The following LY86 variants were observed in gnomAD, a reference collection of about 807,000 sequenced individuals.
LY86 encodes the protein MD-1, RP105-associated.
In LY86, 20 loss-of-function variants were observed where a neutral mutation model predicts 17.3. The ratio of observed to expected loss-of-function variants is 1.15; its 90% CI spans 0.81 to 1.68. The LOEUF (loss-of-function observed/expected upper bound fraction) is 1.68, where lower values mean the gene tolerates loss of function less well. Ranked by LOEUF, LY86 falls within the 40% of genes most tolerant of loss-of-function variation. The pLI, the probability that LY86 is intolerant of heterozygous loss-of-function variation, is 0.00. For missense variants in LY86, 200 were observed against 191.9 expected, an observed-to-expected ratio of 1.04 and a Z score of -0.25; for synonymous variants, 74 against 70.6, an observed-to-expected ratio of 1.05 and a Z score of -0.24.
At chr6:6,619,851 C>A (rs1442159370) in intron 1 of LY86, among the ~76,000 whole-genome samples, 2 of 151,446 alleles carry the variant, frequency 1.3e-5, no homozygotes, top group African/African-American at 2.4e-5. Flanking sequence ...GGGAGGGAGA[C>A]AGGGAGAGAG....
At chr6:6,603,603 C>CAACAA (rs1207511602) in intron 1 of LY86, among the ~76,000 whole-genome samples, 5 of 70,450 alleles carry the variant, frequency 7.1e-5, no homozygotes, top group Non-Finnish European at 9.6e-5. Flanking sequence ...AAAACAGAAA[C>CAACAA]AGAAAAAAAA....
At chr6:6,649,995 C>T (rs572191121) in intron 4 of LY86, among the ~76,000 whole-genome samples, 19 of 152,246 alleles carry the variant, frequency 1.2e-4, no homozygotes, top group African/African-American at 3.9e-4. Context: ...AGCAGGATTA[C>T]GGCATTTGTG....
intron 1 of LY86, among the ~76,000 whole-genome samples, chr6:6,602,355 C>T (rs928175682): frequency 1.3e-5 from 2 of 152,152 alleles, no homozygotes; most frequent in African/African-American, 2.4e-5. Flanking sequence ...ATTCTCGATA[C>T]CCACAAACAC....
chr6:6,650,270 A>T (rs1762166609), intron 4 of LY86, among the ~76,000 whole-genome samples: 1 of 152,158 alleles, frequency 6.6e-6, no homozygotes, highest in South Asian at 2.1e-4. Context: ...ATGTGACATT[A>T]TTAAATGACT....
chr6:6,626,874 G>A (rs993752121), intron 3 of LY86, among the ~76,000 whole-genome samples: 1 of 151,920 alleles, frequency 6.6e-6, no homozygotes, highest in Non-Finnish European at 1.5e-5. Flanking sequence ...TCCCACGTGG[G>A]TCATTGACTA....
intron 1 of LY86, among the ~76,000 whole-genome samples, chr6:6,614,003 G>A (rs1299511834): frequency 1.3e-5 from 2 of 152,218 alleles, no homozygotes; most frequent in African/African-American, 2.4e-5. Flanking sequence ...TTATTCCTTA[G>A]AACCTTCTAC....
chr6:6,613,649 C>T (rs1464250547), intron 1 of LY86, among the ~76,000 whole-genome samples: 1 of 152,242 alleles, frequency 6.6e-6, no homozygotes, highest in Non-Finnish European at 1.5e-5. Flanking sequence ...TCCCCGCAAG[C>T]TGAGGGAGCC....
At position 6,588,799 on chromosome 6, in the gene LY86, G is replaced by A; in HGVS notation, c.65G>A (p.Gly22Asp). The A allele has an allele frequency of 6.2e-7, 1 of 1,614,208 alleles. No homozygotes were observed. Residue 22 changes from glycine (G) to aspartate (D), a missense_variant, in exon 1 of 5, where the codon GGC becomes GAC. Gly to Asp is a moderately conservative substitution (Grantham distance 94). Transcript: ENST00000230568. ...TLIFPSCSGG[G>D]GGKAWPTHVV... ...ATTTTTCCCAGCTGCAGTGGAGGCG[G>A]CGGTGGGAAAGCCTGGCCCACACAC...
chr6:6,607,389 GTTTATT>G (rs1472364972), intron 1 of LY86, among the ~76,000 whole-genome samples: 8 of 152,066 alleles, frequency 5.3e-5, no homozygotes, highest in Non-Finnish European at 1.0e-4. Flanking sequence ...AAAAAGAGAA[GTTTATT>G]TTTAAGATTT....
chr6:6,612,021 T>A (rs920514503), intron 1 of LY86, among the ~76,000 whole-genome samples: 9 of 57,966 alleles, frequency 1.6e-4, no homozygotes, highest in African/African-American at 9.7e-4. Context: ...ATAATCTTTG[T>A]GGTCTCTTGT....
chr6:6,614,321 G>A (rs1403759590), intron 1 of LY86, among the ~76,000 whole-genome samples: 1 of 151,780 alleles, frequency 6.6e-6, no homozygotes, highest in Admixed American at 6.6e-5. Flanking sequence ...GATGTTGCTT[G>A]TCTCTTAAGT....
intron 1 of LY86, among the ~76,000 whole-genome samples, chr6:6,620,325 T>C (rs186664336): frequency 6.6e-6 from 1 of 152,264 alleles, no homozygotes; most frequent in African/African-American, 2.4e-5. Context: ...AAAATATAAT[T>C]ATTTCAAAAT....
chr6:6,649,708 A>T (rs772848263), intron 4 of LY86, 31 bp downstream of exon 4: 2 of 1,315,590 alleles, frequency 1.5e-6, no homozygotes, highest in Non-Finnish European at 2.2e-6. Context: ...TGTATTAAAT[A>T]GTTTGTTTCT....
At chr6:6,643,134 T>C (rs970928997) in intron 3 of LY86, among the ~76,000 whole-genome samples, 1 of 152,260 alleles carries the variant, frequency 6.6e-6, no homozygotes, top group Middle Eastern at 3.2e-3. Flanking sequence ...GTGGGATTGC[T>C]GAATCATATG....
intron 1 of LY86, among the ~76,000 whole-genome samples, chr6:6,598,062 AT>A (rs1369242350): frequency 6.6e-6 from 1 of 152,244 alleles, no homozygotes; most frequent in Non-Finnish European, 1.5e-5. Flanking sequence ...TTAGTGCTCA[AT>A]TTAGTCGTCT....
chr6:6,642,592 C>T (rs776919838), intron 3 of LY86, among the ~76,000 whole-genome samples: 1 of 152,214 alleles, frequency 6.6e-6, no homozygotes, highest in Non-Finnish European at 1.5e-5. Flanking sequence ...AGTGGACATT[C>T]TTATCAGTCC....
intron 4 of LY86, among the ~76,000 whole-genome samples, chr6:6,651,712 T>C (rs572850975): frequency 1.1e-4 from 17 of 152,130 alleles, no homozygotes; most frequent in Non-Finnish European, 1.8e-4. Flanking sequence ...CAGCAACTGT[T>C]ATAAGATAGA....
In LY86 at chr6:6,637,041, C is replaced by T. The variant is rs1000537502; in HGVS notation, c.352+10620C>T. Among the ~76,000 whole-genome samples the T allele has an allele frequency of 1.7e-4, 24 of 137,898 alleles. 1 individual carries two copies. The East Asian group carries it at 3.9e-3, about 22-fold the overall frequency. 90.5% of individuals were successfully genotyped at this position (137,898 alleles called of 152,430 possible). On this transcript the variant is annotated intron_variant, in intron 3 of 4. Coordinates refer to ENST00000230568, the MANE Select transcript of LY86 (RefSeq NM_004271.4). The stretch of plus-strand genomic sequence containing the variant: ...TTTTTTTTTTAATGAGAAGGAGTCT[C>T]GCTCTGTCGCCCAGGCTGGAGTGCA...
chr6:6,625,463 G>A (rs935537427), intron 2 of LY86, among the ~76,000 whole-genome samples: 5 of 152,168 alleles, frequency 3.3e-5, no homozygotes, highest in African/African-American at 4.8e-5. Context: ...GCAAGGAGGA[G>A]ATGTAATATT....
Sources: gnomAD v4.1 joint callset for allele counts (sites outside exome capture counted in the v4.1 genomes callset) on GRCh38, gnomAD v4.1.1 for gene constraint, MANE v1.5 for transcripts, NCBI Gene and HGNC (gene_info 2026-07-23, HGNC 2026-07-21) for gene names.